The following NOVA1 variants were observed in gnomAD, a reference collection of about 807,000 sequenced individuals.
The protein encoded by NOVA1 is RNA-binding protein Nova-1.
Under a neutral mutation model 38.0 loss-of-function variants are expected in NOVA1, and 7 were observed. The observed-to-expected ratio is 0.18, with a 90% CI of 0.10 to 0.35. The LOEUF (loss-of-function observed/expected upper bound fraction) is 0.35. Among genes scored for constraint, NOVA1 ranks in the 10% least tolerant of loss-of-function variants. The probability of loss-of-function intolerance (pLI) is 1.00; values close to 1 mark genes in which losing one functional copy is unlikely to be tolerated. For missense variants in NOVA1, 460 were observed against 616.0 expected, an observed-to-expected ratio of 0.75 and a Z score of 2.68; for synonymous variants, 270 against 232.5, an observed-to-expected ratio of 1.16 and a Z score of -1.47.
At chr14:26,577,726 T>C (rs1239459621) in intron 2 of NOVA1, among the ~76,000 whole-genome samples, 2 of 152,046 alleles carry the variant, frequency 1.3e-5, no homozygotes, top group Admixed American at 6.5e-5. Context: ...AAGCTGCAAT[T>C]AAGATGGAGA....
chr14:26,550,181 A>G (rs1484786572), intron 2 of NOVA1, among the ~76,000 whole-genome samples: 1 of 152,208 alleles, frequency 6.6e-6, no homozygotes, highest in African/African-American at 2.4e-5. Context: ...AACATATACA[A>G]CAAGATTCTT....
chr14:26,583,724 G>A (rs1369933020), intron 2 of NOVA1, among the ~76,000 whole-genome samples: 3 of 151,296 alleles, frequency 2.0e-5, no homozygotes, highest in African/African-American at 7.3e-5. Flanking sequence ...TATAAATGAT[G>A]AAAAATCCCG....
chr14:26,591,432 T>G (rs1001018988), intron 2 of NOVA1, among the ~76,000 whole-genome samples: 1 of 151,684 alleles, frequency 6.6e-6, no homozygotes, highest in Non-Finnish European at 1.5e-5. Flanking sequence ...ACCATTTTAT[T>G]TTCTGTACTT....
intron 2 of NOVA1, among the ~76,000 whole-genome samples, chr14:26,485,875 CAAT>C (rs1160505127): frequency 6.6e-6 from 1 of 151,984 alleles, no homozygotes; most frequent in Admixed American, 6.6e-5. Flanking sequence ...CAAAATAAAA[CAAT>C]AATACAAAAA....
chr14:26,597,730 G>T lies in NOVA1; in HGVS notation c.-294C>A. On this transcript the variant is annotated 5_prime_UTR_variant, in exon 1 of 5. It adds an upstream start codon to the 5' untranslated region. Transcript: ENST00000539517. ...TGAAAGAAGAAGAAGAAAGGAGACA[G>T]GGGGAGAGAGTGGAGAAGGGAGAGG... 1 of 1,080,244 alleles carries T rather than the reference G, an allele frequency of 9.3e-7. No homozygotes were observed. The highest frequency in any genetic ancestry group is 1.1e-6 in the Non-Finnish European group (1 of 891,986). The allele number at this position is 1,080,244 out of a possible 1,614,324, so 66.9% of individuals were successfully genotyped here.
intron 3 of NOVA1, among the ~76,000 whole-genome samples, chr14:26,474,480 T>A (rs1196659397): frequency 6.6e-6 from 1 of 152,090 alleles, no homozygotes; most frequent in Non-Finnish European, 1.5e-5. Flanking sequence ...ATTAATACAA[T>A]CTGTCGATTT....
chr14:26,538,516 T>C (rs989183212), intron 2 of NOVA1, among the ~76,000 whole-genome samples: 8 of 152,196 alleles, frequency 5.3e-5, no homozygotes, highest in Admixed American at 2.0e-4. Flanking sequence ...TGTTTAATTA[T>C]GTTTGATACT....
chr14:26,590,688 T>C (rs569724114), intron 2 of NOVA1, among the ~76,000 whole-genome samples: 5 of 151,950 alleles, frequency 3.3e-5, no homozygotes, highest in African/African-American at 1.2e-4. Context: ...TCTTGCTGTA[T>C]GAAACATCTT....
chr14:26,529,490 T>C (rs1017872922), intron 2 of NOVA1, among the ~76,000 whole-genome samples: 1 of 152,070 alleles, frequency 6.6e-6, no homozygotes, highest in Non-Finnish European at 1.5e-5. Flanking sequence ...AGGTCAAGGG[T>C]TGGAGTTGTA....
At chr14:26,457,137 T>C (rs1297080141) in intron 4 of NOVA1, among the ~76,000 whole-genome samples, 1 of 151,910 alleles carries the variant, frequency 6.6e-6, no homozygotes, top group Non-Finnish European at 1.5e-5. Flanking sequence ...CAAAAGGAAA[T>C]GGAACAATTG....
Position 26,448,833 on chromosome 14 carries a change from T to TG in NOVA1, c.649dup (p.Gln217ProfsTer12). On this transcript the variant is annotated frameshift_variant, in exon 5 of 5. Coordinates refer to ENST00000539517, the MANE Select transcript of NOVA1 (RefSeq NM_002515.3). LOFTEE classifies it high-confidence loss of function. The surrounding 1 kb of genome is among the most constrained non-coding windows in gnomAD (Gnocchi z 5.3). ...TCCACTCACAGTGACAACCCTCTCT[T>TG]GCAAGTTGATCCCATCAGGTTTCTG... 1 of 1,614,158 alleles carries TG rather than the reference T, an allele frequency of 6.2e-7. No individual in the cohort carries two copies. The highest frequency in any genetic ancestry group is 8.5e-7 in the Non-Finnish European group (1 of 1,180,026).
intron 2 of NOVA1, among the ~76,000 whole-genome samples, chr14:26,526,107 A>G (rs538484320): frequency 2.0e-5 from 3 of 152,112 alleles, no homozygotes; most frequent in Non-Finnish European, 4.4e-5. Context: ...TTTATAATGT[A>G]CTCAATGGAA....
At chr14:26,520,128 G>T (rs1367038921) in intron 2 of NOVA1, among the ~76,000 whole-genome samples, 1 of 152,100 alleles carries the variant, frequency 6.6e-6, no homozygotes, top group East Asian at 1.9e-4. Context: ...CATGGCCAAC[G>T]GCCTTGTAAA....
chr14:26,503,664 G>T (rs1447995924), intron 2 of NOVA1, among the ~76,000 whole-genome samples: 1 of 151,866 alleles, frequency 6.6e-6, no homozygotes, highest in East Asian at 1.9e-4. Context: ...AATTAGAAAA[G>T]TATACAGTTG....
In NOVA1 at chr14:26,443,787, T is replaced by G. The variant is rs1447936926; in HGVS notation, c.*4172A>C. 3 of 152,078 alleles carry G rather than the reference T, an allele frequency of 2.0e-5. No individual in the cohort carries two copies. The highest frequency in any genetic ancestry group is 4.4e-5 in the Non-Finnish European group (3 of 67,894). The allele number at this position is 152,078 out of a possible 1,614,324, so 9.4% of individuals were successfully genotyped here. A position where few individuals can be genotyped will look rare whatever the true frequency, so the allele number is the denominator to read the frequency against. ...AATTTTGTATGGCTGTTTGCCTCAG[T>G]TAAGTAACGTGTGTACATTAAATTT... On this transcript the variant is annotated 3_prime_UTR_variant, in exon 5 of 5. Transcript: ENST00000539517.
chr14:26,534,668 C>T (rs1889949373), intron 2 of NOVA1, among the ~76,000 whole-genome samples: 1 of 152,114 alleles, frequency 6.6e-6, no homozygotes, highest in African/African-American at 2.4e-5. Context: ...ATAATACACA[C>T]ACCCTAATCC....
chr14:26,506,118 T>C (rs1443607296), intron 2 of NOVA1, among the ~76,000 whole-genome samples: 1 of 152,210 alleles, frequency 6.6e-6, no homozygotes, highest in Admixed American at 6.5e-5. Context: ...AGACAGAATA[T>C]AGTAATTAGA....
intron 4 of NOVA1, among the ~76,000 whole-genome samples, chr14:26,470,850 G>A (rs1026978347): frequency 1.3e-5 from 2 of 151,884 alleles, no homozygotes; most frequent in Non-Finnish European, 2.9e-5. Context: ...TGTTTGTCAC[G>A]TTTACATTTG....
intron 4 of NOVA1, among the ~76,000 whole-genome samples, chr14:26,457,603 G>A (rs1328111370): frequency 6.6e-6 from 1 of 152,070 alleles, no homozygotes; most frequent in Non-Finnish European, 1.5e-5. Context: ...ATACAATTGT[G>A]TACAGTACAT....
Sources: gnomAD v4.1 joint callset for allele counts (sites outside exome capture counted in the v4.1 genomes callset) on GRCh38, gnomAD v4.1.1 for gene constraint, Gnocchi (gnomAD v3.1) non-coding constraint, MANE v1.5 for transcripts, NCBI Gene and HGNC (gene_info 2026-07-23, HGNC 2026-07-21) for gene names.